The following SLC39A12 variants were observed in gnomAD, a reference collection of about 807,000 sequenced individuals.
SLC39A12 encodes zinc transporter ZIP12.
Under a neutral mutation model 71.1 loss-of-function variants are expected in SLC39A12, and 63 were observed. The ratio of observed to expected loss-of-function variants is 0.89; its 90% CI spans 0.72 to 1.09. The LOEUF (loss-of-function observed/expected upper bound fraction) is 1.09. Ranked by LOEUF, SLC39A12 falls within the 50% of genes least tolerant of loss-of-function variation. SLC39A12 has a pLI of 0.00. For synonymous variants in SLC39A12, 351 were observed against 301.3 expected (o/e 1.16, Z -1.71); for missense variants, 892 against 812.6 (o/e 1.10, Z -1.19).
At chr10:17,960,039 G>T (rs1319467636) in intron 2 of SLC39A12, among the ~76,000 whole-genome samples, 1 of 152,162 alleles carries the variant, frequency 6.6e-6, no homozygotes, top group African/African-American at 2.4e-5. Context: ...AGACCCAGGG[G>T]TTTATATACC....
intron 12 of SLC39A12, among the ~76,000 whole-genome samples, chr10:18,019,901 T>C (rs1467500388): frequency 6.6e-6 from 1 of 152,096 alleles, no homozygotes; most frequent in African/African-American, 2.4e-5. Context: ...AAGTAGTCTA[T>C]AGATGTCAAT....
intron 4 of SLC39A12, among the ~76,000 whole-genome samples, chr10:17,970,238 TC>T: frequency 6.6e-6 from 1 of 152,326 alleles, no homozygotes; most frequent in East Asian, 1.9e-4. Context: ...CTAGTTTGGT[TC>T]TTTTGCTCAG....
intron 12 of SLC39A12, among the ~76,000 whole-genome samples, chr10:18,036,765 TATATATATATATATATATATA>T (rs1445477009): frequency 0.017 from 256 of 15,410 alleles, 8 homozygotes; most frequent in Middle Eastern, 0.029. Flanking sequence ...TATATATATA[TATATATATATATATATATATA>T]TATATATATT....
chr10:18,027,089 A>G (rs1425469654), intron 12 of SLC39A12, among the ~76,000 whole-genome samples: 2 of 152,218 alleles, frequency 1.3e-5, no homozygotes, highest in Non-Finnish European at 2.9e-5. Flanking sequence ...AAAGGTGAAC[A>G]TGTTGTACTG....
At chr10:17,987,332 C>A in intron 6 of SLC39A12, 147 bp from the exon 7 acceptor site, 1 of 691,984 alleles carries the variant, frequency 1.4e-6, no homozygotes, top group Non-Finnish European at 2.4e-6. Context: ...GAGAGCCTGT[C>A]TCAAAATAAA....
chr10:17,975,480 G>A (rs979947961), intron 4 of SLC39A12, among the ~76,000 whole-genome samples: 1 of 152,150 alleles, frequency 6.6e-6, no homozygotes, highest in Non-Finnish European at 1.5e-5. Flanking sequence ...GCTAGGACCT[G>A]GAAACAGGAC....
At chr10:17,997,766 A>G (rs1443680962) in intron 10 of SLC39A12, among the ~76,000 whole-genome samples, 1 of 152,172 alleles carries the variant, frequency 6.6e-6, no homozygotes, top group Non-Finnish European at 1.5e-5. Flanking sequence ...CGTGGAACTC[A>G]ACTTGTGTTT....
At position 18,008,134 on chromosome 10, in the gene SLC39A12, C is replaced by T. The variant is rs1376344304; in HGVS notation, c.1947+4776C>T. Among the ~76,000 whole-genome samples the T allele has an allele frequency of 2.0e-5, 3 of 152,130 alleles. No individual in the cohort carries two copies. The South Asian group carries it at 6.2e-4, about 31-fold the overall frequency. On this transcript the variant is annotated intron_variant, in intron 12 of 12. Transcript: ENST00000377369. ...AAACTTTATTGCAGGAGTTCTCAACCCCTGGTCCTGTTAGGAACGAGGCCG... is the reference window on the plus strand; with the variant it reads ...AAACTTTATTGCAGGAGTTCTCAACTCCTGGTCCTGTTAGGAACGAGGCCG...
chr10:17,982,403 C>T (rs1835283988), intron 6 of SLC39A12, among the ~76,000 whole-genome samples: 1 of 152,054 alleles, frequency 6.6e-6, no homozygotes, highest in African/African-American at 2.4e-5. Flanking sequence ...ATTAGCTTAC[C>T]ATTGATCTGA....
At chr10:17,981,681 A>G (rs1018187888) in intron 6 of SLC39A12, among the ~76,000 whole-genome samples, 198 bp downstream of exon 6, 12 of 152,192 alleles carry the variant, frequency 7.9e-5, no homozygotes, top group African/African-American at 2.9e-4. Flanking sequence ...GCACAGAGAG[A>G]TTAAGTGACT....
intron 6 of SLC39A12, among the ~76,000 whole-genome samples, chr10:17,985,627 T>G (rs1835378692): frequency 6.6e-6 from 1 of 152,132 alleles, no homozygotes; most frequent in South Asian, 2.1e-4. Flanking sequence ...TCTAAATAGG[T>G]AGAGAAATAA....
intron 4 of SLC39A12, among the ~76,000 whole-genome samples, chr10:17,967,294 C>G (rs936083609): frequency 1.3e-5 from 2 of 152,108 alleles, no homozygotes; most frequent in African/African-American, 4.8e-5. Flanking sequence ...ATGTTAGTAC[C>G]TTCCATTAGG....
chr10:17,980,871 G>T (rs564601245), intron 5 of SLC39A12, among the ~76,000 whole-genome samples: 90 of 152,158 alleles, frequency 5.9e-4, no homozygotes, highest in African/African-American at 2.1e-3. Context: ...TGCCTACACA[G>T]GCTGACTAAA....
chr10:18,043,067 T>C lies in SLC39A12; in HGVS notation c.*234T>C. The C allele has an allele frequency of 4.2e-6, 1 of 237,848 alleles. No individual in the cohort carries two copies. Among genetic ancestry groups the C allele is most frequent in the Non-Finnish European group, 7.9e-6 (1 of 126,358 alleles). 14.7% of individuals were successfully genotyped at this position (237,848 alleles called of 1,614,324 possible). ...GGTTTCCAACACCATGATGAAGCTCTTGCTTTTTAAAAAGTAGTTAGTAAA... is the reference window on the plus strand; with the variant it reads ...GGTTTCCAACACCATGATGAAGCTCCTGCTTTTTAAAAAGTAGTTAGTAAA... On this transcript the variant is annotated 3_prime_UTR_variant, in exon 13 of 13. Coordinates refer to ENST00000377369, the MANE Select transcript of SLC39A12 (RefSeq NM_001145195.2).
intron 12 of SLC39A12, among the ~76,000 whole-genome samples, chr10:18,011,174 C>A (rs1024719268): frequency 6.6e-6 from 1 of 152,084 alleles, no homozygotes; most frequent in Non-Finnish European, 1.5e-5. Flanking sequence ...ACTGCAGCCT[C>A]TGCCTCCCAG....
intron 8 of SLC39A12, among the ~76,000 whole-genome samples, chr10:17,992,728 C>T (rs949471821): frequency 2.0e-5 from 3 of 152,058 alleles, no homozygotes; most frequent in Admixed American, 2.0e-4. Context: ...TGTTTATGGG[C>T]TTGTCAGGGA....
chr10:17,969,864 C>A (rs752292228), intron 4 of SLC39A12, among the ~76,000 whole-genome samples: 2 of 152,154 alleles, frequency 1.3e-5, no homozygotes, highest in Non-Finnish European at 2.9e-5. Flanking sequence ...TCGACCAGAC[C>A]AATGTCCTCA....
chr10:18,018,625 A>G (rs374731321), intron 12 of SLC39A12, among the ~76,000 whole-genome samples: 9 of 152,170 alleles, frequency 5.9e-5, no homozygotes, highest in Admixed American at 2.6e-4. Context: ...TCCTACACCT[A>G]TTGATATGAT....
chr10:18,021,387 T>C (rs1454118667), intron 12 of SLC39A12, among the ~76,000 whole-genome samples: 1 of 152,128 alleles, frequency 6.6e-6, no homozygotes, highest in Non-Finnish European at 1.5e-5. Context: ...TTTGTCATTT[T>C]TGATCAATCA....
Sources: allele counts gnomAD v4.1 joint callset (sites outside exome capture counted in the v4.1 genomes callset), GRCh38; gene constraint gnomAD v4.1.1; transcripts MANE v1.5; gene names NCBI Gene and HGNC (gene_info 2026-07-23, HGNC 2026-07-21).